Variants in ABCA13 observed in about 807,000 individuals in gnomAD.
The protein encoded by ABCA13 is ATP-binding cassette sub-family A member 13.
In ABCA13, 476 loss-of-function variants were observed where a neutral mutation model predicts 478.7. The observed-to-expected ratio is 0.99, with a 90% CI of 0.92 to 1.07. The LOEUF is 1.07. Ranked by LOEUF, ABCA13 falls within the 50% of genes least tolerant of loss-of-function variation. The probability of loss-of-function intolerance (pLI) is 0.00; values close to 1 mark genes in which losing one functional copy is unlikely to be tolerated. For synonymous variants in ABCA13, 2,252 were observed against 2,158.9 expected, an observed-to-expected ratio of 1.04 and a Z score of -1.20; for missense variants, 6,060 against 5,910.6, an observed-to-expected ratio of 1.03 and a Z score of -0.83.
At chr7:48,330,287 GTCCATTCATCTATCCATTCA>G (rs1805102473) in intron 27 of ABCA13, among the ~76,000 whole-genome samples, 1 of 134,284 alleles carries the variant, frequency 7.4e-6, no homozygotes, top group African/African-American at 2.8e-5. Context: ...ACATCTATCT[GTCCATTCATCTATCCATTCA>G]TCCATCCATC....
Position 48,643,283 on chromosome 7 carries a change from C to T in ABCA13, c.14838-5C>T. ...AATCATGTTTCTATTTTATTTAACT[C>T]TCAGGTTTGGTGATGGTTATACAGT... is the stretch of plus-strand genomic sequence containing the variant. On this transcript the variant is annotated splice_region_variant and splice_polypyrimidine_tract_variant and intron_variant, in intron 59 of 61. Transcript: ENST00000435803. 1 of 1,578,924 alleles carries T rather than the reference C, an allele frequency of 6.3e-7. No homozygotes were observed. Among genetic ancestry groups the T allele is most frequent in the Non-Finnish European group, 8.6e-7 (1 of 1,158,168 alleles).
At chr7:48,522,660 G>A (rs1345519801) in intron 53 of ABCA13, among the ~76,000 whole-genome samples, 4 of 152,204 alleles carry the variant, frequency 2.6e-5, no homozygotes, top group African/African-American at 9.6e-5. Context: ...CTGGATTGTT[G>A]TGAGTGGGTG....
At chr7:48,384,217 A>G (rs1218275790) in intron 35 of ABCA13, among the ~76,000 whole-genome samples, 1 of 152,248 alleles carries the variant, frequency 6.6e-6, no homozygotes, top group Non-Finnish European at 1.5e-5. Context: ...TGTGAGAATA[A>G]TCTTCCTGAT....
intron 56 of ABCA13, among the ~76,000 whole-genome samples, chr7:48,581,567 G>C (rs572000328): frequency 6.6e-6 from 1 of 152,176 alleles, no homozygotes; most frequent in South Asian, 2.1e-4. Context: ...GCTTGGCAAA[G>C]GCTTTAAGCT....
chr7:48,570,280 T>C (rs1228030372), intron 55 of ABCA13, among the ~76,000 whole-genome samples: 1 of 151,700 alleles, frequency 6.6e-6, no homozygotes, highest in African/African-American at 2.4e-5. Context: ...CTCAGCTCTC[T>C]TTTGGATACT....
chr7:48,374,773 C>A (rs1813196581), intron 34 of ABCA13, among the ~76,000 whole-genome samples: 1 of 152,182 alleles, frequency 6.6e-6, no homozygotes, highest in Non-Finnish European at 1.5e-5. Flanking sequence ...GGGTCCCCAA[C>A]CCCTGGGCCA....
At chr7:48,354,027 G>A (rs542667525) in intron 31 of ABCA13, among the ~76,000 whole-genome samples, 3 of 152,126 alleles carry the variant, frequency 2.0e-5, no homozygotes, top group South Asian at 2.1e-4. Flanking sequence ...GAGCAGAACC[G>A]AAGAAAAGTG....
Position 48,279,023 on chromosome 7 carries a change from C to G in ABCA13, c.7829C>G (p.Ser2610Ter). The G allele has an allele frequency of 6.2e-7, 1 of 1,613,118 alleles. No homozygotes were observed. The highest frequency in any genetic ancestry group is 8.5e-7 in the Non-Finnish European group (1 of 1,179,642). ...ATTGGGGTAGAACCTTATATATCAT[C>G]AAACTCTGATATTTTCAGTATGTCA... ...EMIGVEPYIS[S>*]NSDIFSMSPS... is the part of the protein sequence containing the mutation. The change falls in exon 18 of 62, where the codon TCA (serine) becomes TGA (stop). Residue 2610 changes from serine to a stop codon, truncating the protein, a stop_gained. Transcript: ENST00000435803. LOFTEE classifies it high-confidence loss of function.
chr7:48,290,939 G>GAAAAAAAAAA (rs754416012), intron 20 of ABCA13, among the ~76,000 whole-genome samples: 4 of 79,612 alleles, frequency 5.0e-5, no homozygotes, highest in African/African-American at 1.6e-4. Flanking sequence ...TCACACTCAG[G>GAAAAAAAAAA]GAAAAAAAAA....
chr7:48,599,973 G>A (rs1181643555), intron 58 of ABCA13, among the ~76,000 whole-genome samples: 1 of 152,086 alleles, frequency 6.6e-6, no homozygotes, highest in Admixed American at 6.6e-5. Context: ...GTATTCTTGG[G>A]AATTTTTTCC....
At chr7:48,487,308 C>CAA (rs201286870) in intron 47 of ABCA13, among the ~76,000 whole-genome samples, 30 of 110,884 alleles carry the variant, frequency 2.7e-4, no homozygotes, top group African/African-American at 1.0e-3. Flanking sequence ...AACTGTGTCT[C>CAA]AAAAAAAAAA....
At chr7:48,205,233 A>C (rs530041996) in intron 3 of ABCA13, among the ~76,000 whole-genome samples, 1 of 152,220 alleles carries the variant, frequency 6.6e-6, no homozygotes, top group African/African-American at 2.4e-5. Context: ...ATTTTCTTAA[A>C]GTATTATAGT....
intron 42 of ABCA13, among the ~76,000 whole-genome samples, chr7:48,446,259 C>G (rs1027417076): frequency 2.6e-5 from 4 of 152,010 alleles, no homozygotes; most frequent in Admixed American, 2.6e-4. Context: ...GTGGCCACTA[C>G]TATGAGAAAC....
At chr7:48,591,132 C>T (rs1458905603) in intron 57 of ABCA13, among the ~76,000 whole-genome samples, 1 of 151,296 alleles carries the variant, frequency 6.6e-6, no homozygotes, top group East Asian at 1.9e-4. Flanking sequence ...ATCTTTAATA[C>T]ATGTTCAGTT....
At chr7:48,287,251 A>G (rs981260970) in intron 19 of ABCA13, among the ~76,000 whole-genome samples, 43 of 152,230 alleles carry the variant, frequency 2.8e-4, no homozygotes, top group African/African-American at 9.9e-4. Context: ...GCGGAAAGAC[A>G]TTGGATGCAA....
At chr7:48,561,083 A>T (rs981979105) in intron 55 of ABCA13, among the ~76,000 whole-genome samples, 3 of 152,022 alleles carry the variant, frequency 2.0e-5, no homozygotes, top group African/African-American at 7.3e-5. Context: ...ATATGTATAT[A>T]TATGTATGTA....
chr7:48,597,042 C>T (rs1259141817), intron 58 of ABCA13, among the ~76,000 whole-genome samples: 2 of 151,736 alleles, frequency 1.3e-5, no homozygotes, highest in Non-Finnish European at 2.9e-5. Flanking sequence ...AGCTCCGCCT[C>T]CTGGGTTCAC....
intron 55 of ABCA13, among the ~76,000 whole-genome samples, chr7:48,578,732 C>T (rs942258344): frequency 6.6e-6 from 1 of 152,090 alleles, no homozygotes; most frequent in Admixed American, 6.5e-5. Context: ...ACAAAAGATC[C>T]ATGATAGGCA....
At chr7:48,350,544 A>G (rs1808800245) in intron 29 of ABCA13, 99 bp from the exon 30 acceptor site, 3 of 1,327,702 alleles carry the variant, frequency 2.3e-6, no homozygotes, top group South Asian at 3.9e-5. Context: ...AAGAATTCAT[A>G]TTCATTTTCA....
Sources: allele counts gnomAD v4.1 joint callset (sites outside exome capture counted in the v4.1 genomes callset), GRCh38; gene constraint gnomAD v4.1.1; transcripts MANE v1.5; gene names NCBI Gene and HGNC (gene_info 2026-07-23, HGNC 2026-07-21).